The following TMEM45A variants were observed in gnomAD, a reference collection of about 807,000 sequenced individuals.
The protein encoded by TMEM45A is transmembrane protein 45A.
In TMEM45A, 25 loss-of-function variants were observed where a neutral mutation model predicts 32.0. The observed-to-expected ratio is 0.78, with a 90% CI of 0.57 to 1.09. The LOEUF (loss-of-function observed/expected upper bound fraction) is 1.09. TMEM45A is among the 50% of genes least tolerant of loss of function. The probability of loss-of-function intolerance (pLI) is 0.00; values close to 1 mark genes in which losing one functional copy is unlikely to be tolerated. For missense variants in TMEM45A, 302 were observed against 325.0 expected (o/e 0.93, Z 0.54); for synonymous variants, 122 against 114.8 (o/e 1.06, Z -0.40).
intron 1 of TMEM45A, among the ~76,000 whole-genome samples, chr3:100,541,431 G>A (rs946175923): frequency 4.6e-5 from 7 of 151,888 alleles, no homozygotes; most frequent in African/African-American, 1.7e-4. Flanking sequence ...TGCTTCATAG[G>A]CTTTCTTCTA....
intron 2 of TMEM45A, 103 bp downstream of exon 2, chr3:100,555,504 T>A (rs1706201960): frequency 1.6e-6 from 2 of 1,233,836 alleles, no homozygotes; most frequent in Non-Finnish European, 2.2e-6. Flanking sequence ...ATTGTTCTGA[T>A]CTCTGAAAGA....
intron 4 of TMEM45A, among the ~76,000 whole-genome samples, chr3:100,564,784 G>A (rs867174059): frequency 1.1e-4 from 16 of 152,112 alleles, no homozygotes; most frequent in Admixed American, 7.9e-4. Flanking sequence ...ACACCTGGCC[G>A]CAAATTATTG....
chr3:100,546,252 C>A (rs1251787967), intron 1 of TMEM45A, among the ~76,000 whole-genome samples: 3 of 152,262 alleles, frequency 2.0e-5, no homozygotes, highest in Admixed American at 2.0e-4. Flanking sequence ...TTTGCTGACA[C>A]CTTGATAGCC....
rs1173723733 is a variant in TMEM45A at position 100,541,552 on chromosome 3, A to G, written c.-3-13657A>G. Among the ~76,000 whole-genome samples the G allele has an allele frequency of 5.0e-5, 6 of 120,616 alleles. No individual in the cohort carries two copies. The East Asian group carries it at 1.4e-3, about 28-fold the overall frequency. 79.1% of individuals were successfully genotyped at this position (120,616 alleles called of 152,430 possible). A position where few individuals can be genotyped will look rare whatever the true frequency, so the allele number is the denominator to read the frequency against. ...TTTTTTTTTTTTTTTTTTCTGAGAC[A>G]GGGTCTCACTCCTGTCACCCAGGCT... On this transcript the variant is annotated intron_variant, in intron 1 of 5. Coordinates refer to ENST00000323523, the MANE Select transcript of TMEM45A (RefSeq NM_018004.3).
chr3:100,515,644 A>T (rs185391349), intron 1 of TMEM45A, among the ~76,000 whole-genome samples: 1 of 149,740 alleles, frequency 6.7e-6, no homozygotes, highest in African/African-American at 2.5e-5. Context: ...AAAAAAAAAA[A>T]GAAAAGAACT....
intron 1 of TMEM45A, among the ~76,000 whole-genome samples, chr3:100,531,226 C>T (rs1705640779): frequency 1.3e-5 from 2 of 152,092 alleles, no homozygotes; most frequent in South Asian, 4.1e-4. Context: ...TTTATCTCAG[C>T]GTTTCCCAAA....
At chr3:100,538,101 G>GTTAT (rs1343595191) in intron 1 of TMEM45A, among the ~76,000 whole-genome samples, 5 of 152,146 alleles carry the variant, frequency 3.3e-5, no homozygotes, top group Non-Finnish European at 5.9e-5. Flanking sequence ...ATCAGAATGG[G>GTTAT]TTATTAAAGC....
At chr3:100,568,069 G>A (rs1706480759) in intron 4 of TMEM45A, among the ~76,000 whole-genome samples, 1 of 152,206 alleles carries the variant, frequency 6.6e-6, no homozygotes, top group Admixed American at 6.5e-5. Flanking sequence ...ACAGGCGTGA[G>A]CCACCACGCC....
intron 5 of TMEM45A, chr3:100,573,728 G>A (rs1225238208): frequency 6.6e-6 from 1 of 152,120 alleles, no homozygotes; most frequent in Non-Finnish European, 1.5e-5. Flanking sequence ...GTATGATATT[G>A]GCTATGGGTT....
intron 1 of TMEM45A, among the ~76,000 whole-genome samples, chr3:100,512,251 G>T (rs1020880839): frequency 1.3e-5 from 2 of 152,162 alleles, no homozygotes; most frequent in African/African-American, 4.8e-5. Flanking sequence ...AAATGTAAAA[G>T]AACAGAAATT....
chr3:100,520,402 G>A (rs577855485), intron 1 of TMEM45A, among the ~76,000 whole-genome samples: 11 of 152,236 alleles, frequency 7.2e-5, no homozygotes, highest in African/African-American at 2.2e-4. Context: ...TTGTTTGAGA[G>A]CATAGAATAT....
chr3:100,518,348 T>C (rs1705344227), intron 1 of TMEM45A, among the ~76,000 whole-genome samples: 1 of 152,222 alleles, frequency 6.6e-6, no homozygotes, highest in Non-Finnish European at 1.5e-5. Flanking sequence ...TTGTCTTAAT[T>C]GATTTAATGT....
At chr3:100,558,610 A>T (rs751563735) in intron 4 of TMEM45A, 21 bp downstream of exon 4, 2 of 1,611,504 alleles carry the variant, frequency 1.2e-6, no homozygotes, top group Non-Finnish European at 1.7e-6. Context: ...GCCTCTAGTT[A>T]ATGTACCTGG....
intron 1 of TMEM45A, among the ~76,000 whole-genome samples, chr3:100,499,973 A>C (rs765353203): frequency 1.3e-5 from 2 of 152,178 alleles, no homozygotes; most frequent in Non-Finnish European, 2.9e-5. Context: ...ATTTTTTTTA[A>C]AACTATTTTT....
At chr3:100,501,701 C>T (rs1439279700) in intron 1 of TMEM45A, among the ~76,000 whole-genome samples, 3 of 152,196 alleles carry the variant, frequency 2.0e-5, no homozygotes, top group African/African-American at 7.2e-5. Context: ...CTCCTATTAA[C>T]TTCACTTTTT....
chr3:100,560,468 CTTTAA>C (rs147650239), intron 4 of TMEM45A, among the ~76,000 whole-genome samples: 6 of 152,172 alleles, frequency 3.9e-5, no homozygotes, highest in African/African-American at 1.4e-4. Context: ...GTGCTTCTCT[CTTTAA>C]TTTATGAGTT....
rs201699180 is a variant in TMEM45A, at chr3:100,555,317, C to T, written c.106C>T (p.Arg36Ter). Residue 36 changes from arginine to a stop codon, truncating the protein, a stop_gained, in exon 2 of 6, where the codon CGA becomes TGA. Transcript: ENST00000323523. LOFTEE classifies it high-confidence loss of function. ...ILKYICKKQKRTCYLGSKTLF... is the reference protein window; with the variant it reads ...ILKYICKKQK ...GAAGTATATCTGCAAAAAGCAAAAG[C>T]GAACCTGCTATCTTGGTTCCAAAAC... is the stretch of plus-strand genomic sequence containing the variant. 1.2e-4 allele frequency: 187 copies of T among 1,613,798 alleles called. No individual in the cohort carries two copies. The highest frequency in any genetic ancestry group is 1.5e-4 in the Admixed American group (9 of 59,972).
intron 4 of TMEM45A, 56 bp from the exon 5 acceptor site, chr3:100,568,766 C>T (rs561621987): frequency 4.7e-6 from 7 of 1,489,946 alleles, no homozygotes; most frequent in African/African-American, 1.4e-5. Flanking sequence ...TGAAATGTAC[C>T]ATTTTTGGGA....
intron 1 of TMEM45A, among the ~76,000 whole-genome samples, chr3:100,548,735 G>A (rs1473468967): frequency 6.6e-6 from 1 of 152,184 alleles, no homozygotes; most frequent in African/African-American, 2.4e-5. Context: ...TTTCTGTTGT[G>A]AGCAGGGGCT....
Sources: allele counts gnomAD v4.1 joint callset (sites outside exome capture counted in the v4.1 genomes callset), GRCh38; gene constraint gnomAD v4.1.1; transcripts MANE v1.5; gene names NCBI Gene and HGNC (gene_info 2026-07-23, HGNC 2026-07-21).